GALNT1: variants seen among roughly 807,000 people sequenced by gnomAD.
GALNT1 encodes the protein GalNAc transferase 1.
A neutral mutation model predicts 65.7 loss-of-function variants in GALNT1; 17 were observed. The observed-to-expected ratio is 0.26, with a 90% CI of 0.18 to 0.39. GALNT1 has a LOEUF of 0.39. GALNT1 is among the 10% of genes least tolerant of loss of function. The pLI, the probability that GALNT1 is intolerant of heterozygous loss-of-function variation, is 1.00. For missense variants in GALNT1, 460 were observed against 672.8 expected (o/e 0.68, Z 3.50); for synonymous variants, 210 against 219.7 (o/e 0.96, Z 0.39).
chr18:35,684,527 A>G (rs974429484), intron 5 of GALNT1, among the ~76,000 whole-genome samples: 6 of 152,328 alleles, frequency 3.9e-5, no homozygotes, highest in African/African-American at 1.4e-4. Flanking sequence ...CCTGAAGATA[A>G]CACACAACCC....
At chr18:35,586,058 A>G (rs2046374826) in intron 1 of GALNT1, among the ~76,000 whole-genome samples, 1 of 152,170 alleles carries the variant, frequency 6.6e-6, no homozygotes, top group South Asian at 2.1e-4. Flanking sequence ...GTTTTGTAAA[A>G]TGTTCTAGCA....
intron 3 of GALNT1, among the ~76,000 whole-genome samples, chr18:35,673,097 T>G (rs1250026336): frequency 1.3e-5 from 2 of 152,186 alleles, no homozygotes; most frequent in Non-Finnish European, 2.9e-5. Context: ...AGAGGAGAAA[T>G]TTTGTAACAT....
chr18:35,681,827 G>T (rs998375437), intron 4 of GALNT1, among the ~76,000 whole-genome samples: 2 of 152,218 alleles, frequency 1.3e-5, no homozygotes, highest in East Asian at 3.9e-4. Flanking sequence ...TTTAAAGTCA[G>T]GCAGACCTGG....
chr18:35,693,840 C>A (rs2048008858), intron 9 of GALNT1, among the ~76,000 whole-genome samples: 1 of 151,990 alleles, frequency 6.6e-6, no homozygotes, highest in Non-Finnish European at 1.5e-5. Context: ...TATGAGGTCA[C>A]CTGAGGAGGA....
At chr18:35,686,202 T>A (rs564348220) in intron 5 of GALNT1, among the ~76,000 whole-genome samples, 4 of 152,308 alleles carry the variant, frequency 2.6e-5, no homozygotes, top group African/African-American at 7.2e-5. Context: ...ATCAAAAGAT[T>A]TACTGAAATT....
At chr18:35,697,572 C>T (rs1812402375) in intron 9 of GALNT1, among the ~76,000 whole-genome samples, 1 of 152,148 alleles carries the variant, frequency 6.6e-6, no homozygotes, top group African/African-American at 2.4e-5. Context: ...TATTGGGGCA[C>T]CTTGCAAGAT....
At chr18:35,626,648 A>G (rs908104487) in intron 1 of GALNT1, among the ~76,000 whole-genome samples, 1 of 152,196 alleles carries the variant, frequency 6.6e-6, no homozygotes. Flanking sequence ...AGAAGTTCAG[A>G]CATTGGGAGG....
At chr18:35,595,573 TA>T (rs1487624776) in intron 1 of GALNT1, among the ~76,000 whole-genome samples, 1 of 152,174 alleles carries the variant, frequency 6.6e-6, no homozygotes, top group East Asian at 1.9e-4. Flanking sequence ...CAAACAAAAC[TA>T]AACAGAAACA....
intron 1 of GALNT1, among the ~76,000 whole-genome samples, chr18:35,634,690 C>G (rs1157285542): frequency 6.6e-6 from 1 of 152,104 alleles, no homozygotes; most frequent in Non-Finnish European, 1.5e-5. Flanking sequence ...CTAACACATA[C>G]CAAAATTCCA....
rs2048190761 is a variant in GALNT1, at chr18:35,703,011, A to G, written c.1398+16A>G. On this transcript the variant is annotated intron_variant, in intron 10 of 11. Transcript: ENST00000269195. ...GGGTAATCAGGTGAGTATCTTAGAA[A>G]ACTCTTAAAAGGGATAATTTTCAGA... The G allele has an allele frequency of 6.8e-7, 1 of 1,473,114 alleles. No individual in the cohort carries two copies. 91.3% of individuals were successfully genotyped at this position (1,473,114 alleles called of 1,614,324 possible).
At chr18:35,685,865 G>A (rs1186525823) in intron 5 of GALNT1, among the ~76,000 whole-genome samples, 2 of 152,162 alleles carry the variant, frequency 1.3e-5, no homozygotes, top group African/African-American at 4.8e-5. Flanking sequence ...CCAGGAGTTC[G>A]AGACCAGTCT....
intron 3 of GALNT1, 170 bp downstream of exon 3, chr18:35,663,972 T>C (rs994399050): frequency 8.4e-5 from 50 of 597,922 alleles, no homozygotes; most frequent in East Asian, 7.1e-4. Flanking sequence ...ATCTCAAGCT[T>C]CTACTGATTA....
chr18:35,599,496 A>G (rs1227525871), intron 1 of GALNT1, among the ~76,000 whole-genome samples: 1 of 151,356 alleles, frequency 6.6e-6, no homozygotes, highest in Admixed American at 6.6e-5. Context: ...TCAGCCTCCT[A>G]AGTAGCTGGG....
At chr18:35,591,766 G>A (rs560190639) in intron 1 of GALNT1, 44 of 154,522 alleles carry the variant, frequency 2.8e-4, no homozygotes, top group African/African-American at 1.0e-3. Flanking sequence ...TATTTCAAAA[G>A]ACTAGAGGTA....
At chr18:35,596,376 T>C (rs1357865047) in intron 1 of GALNT1, 9 of 152,190 alleles carry the variant, frequency 5.9e-5, no homozygotes, top group African/African-American at 1.9e-4. Context: ...GGGTAACTTT[T>C]ATATTCTTCT....
chr18:35,650,293 C>T (rs919548046), intron 1 of GALNT1, among the ~76,000 whole-genome samples: 2 of 151,914 alleles, frequency 1.3e-5, no homozygotes, highest in Non-Finnish European at 2.9e-5. Flanking sequence ...AGGGAGTGTA[C>T]GAATAGGGTG....
At chr18:35,650,638 G>A (rs991007435) in intron 1 of GALNT1, among the ~76,000 whole-genome samples, 2 of 152,156 alleles carry the variant, frequency 1.3e-5, no homozygotes, top group African/African-American at 4.8e-5. Context: ...CTTTCTCAGG[G>A]ATGGTCCTTG....
At chr18:35,598,088 G>C (rs112750537) in intron 1 of GALNT1, among the ~76,000 whole-genome samples, 1 of 143,484 alleles carries the variant, frequency 7.0e-6, no homozygotes, top group Non-Finnish European at 1.5e-5. Flanking sequence ...TGCTGCCCAG[G>C]GTGGAGTGCA....
At chr18:35,708,882 T>G (rs968341876) in intron 11 of GALNT1, among the ~76,000 whole-genome samples, 1 of 152,250 alleles carries the variant, frequency 6.6e-6, no homozygotes, top group Non-Finnish European at 1.5e-5. Flanking sequence ...ATTATCTATG[T>G]AGTTTCCCAA....
Sources: gnomAD v4.1 joint callset for allele counts (sites outside exome capture counted in the v4.1 genomes callset) on GRCh38, gnomAD v4.1.1 for gene constraint, MANE v1.5 for transcripts, NCBI Gene and HGNC (gene_info 2026-07-23, HGNC 2026-07-21) for gene names.